The following ANKRD30BL variants were observed in gnomAD, a reference collection of about 807,000 sequenced individuals.
The protein encoded by ANKRD30BL is ankyrin repeat domain 30B like, also known as putative ankyrin repeat domain-containing protein 30B-like.
A neutral mutation model predicts 18.4 loss-of-function variants in ANKRD30BL; 20 were observed. The ratio of observed to expected loss-of-function variants is 1.09; its 90% CI spans 0.77 to 1.58. The LOEUF (loss-of-function observed/expected upper bound fraction) is 1.58, where lower values mean the gene tolerates loss of function less well. Ranked by LOEUF, ANKRD30BL falls within the 40% of genes most tolerant of loss-of-function variation. The pLI, the probability that ANKRD30BL is intolerant of heterozygous loss-of-function variation, is 0.00. For missense variants in ANKRD30BL, 224 were observed against 268.6 expected (o/e 0.83, Z 1.16); for synonymous variants, 72 against 100.9 (o/e 0.71, Z 1.72).
intron 1 of ANKRD30BL, among the ~76,000 whole-genome samples, chr2:132,226,094 A>T (rs1361193409): frequency 6.6e-6 from 1 of 152,128 alleles, no homozygotes; most frequent in Non-Finnish European, 1.5e-5. Flanking sequence ...ATACTTTATC[A>T]TAGAGCAGTT....
intron 1 of ANKRD30BL, among the ~76,000 whole-genome samples, chr2:132,226,498 G>A (rs1212160719): frequency 4.6e-5 from 7 of 151,638 alleles, no homozygotes; most frequent in African/African-American, 1.5e-4. Flanking sequence ...AGCACTTTGC[G>A]ACCTATGTTA....
chr2:132,247,480 A>C (rs1573892394), intron 1 of ANKRD30BL, among the ~76,000 whole-genome samples: 3 of 151,936 alleles, frequency 2.0e-5, no homozygotes, highest in Admixed American at 2.0e-4. Context: ...GGTTCTACAA[A>C]AGGATTGTTT....
chr2:132,158,936 G>A (rs1687984100), intron 1 of ANKRD30BL, among the ~76,000 whole-genome samples: 1 of 151,904 alleles, frequency 6.6e-6, no homozygotes, highest in African/African-American at 2.4e-5. Context: ...CGGAAAGTGA[G>A]AAATTATTTT....
chr2:132,211,752 C>G (rs1230702351), intron 1 of ANKRD30BL, among the ~76,000 whole-genome samples: 604 of 144,474 alleles, frequency 4.2e-3, no homozygotes, highest in African/African-American at 0.014. Flanking sequence ...ATAAAAACTA[C>G]ACAGAAGCAT....
chr2:132,151,635 T>A (rs1162501852), intron 4 of ANKRD30BL, among the ~76,000 whole-genome samples: 1 of 149,596 alleles, frequency 6.7e-6, no homozygotes, highest in East Asian at 1.9e-4. Context: ...ACAAAAAAAA[T>A]GTTTTTCTTC....
At chr2:132,216,585 C>G (rs112007472) in intron 1 of ANKRD30BL, among the ~76,000 whole-genome samples, 2 of 152,124 alleles carry the variant, frequency 1.3e-5, no homozygotes, top group South Asian at 4.1e-4. Flanking sequence ...GTGCAGTCAT[C>G]TCACAGAGTT....
chr2:132,204,723 A>G (rs2104750829), intron 1 of ANKRD30BL, among the ~76,000 whole-genome samples: 1 of 152,288 alleles, frequency 6.6e-6, no homozygotes, highest in African/African-American at 2.4e-5. Context: ...GGAAGAGTCA[A>G]GGTATATATA....
intron 1 of ANKRD30BL, among the ~76,000 whole-genome samples, chr2:132,240,750 A>G (rs973432812): frequency 2.0e-5 from 3 of 151,814 alleles, no homozygotes; most frequent in Non-Finnish European, 2.9e-5. Flanking sequence ...CCTTTCAGTT[A>G]GCAGATTTGA....
At chr2:132,231,577 C>G (rs559096769) in intron 1 of ANKRD30BL, among the ~76,000 whole-genome samples, 2 of 152,174 alleles carry the variant, frequency 1.3e-5, no homozygotes, top group East Asian at 1.9e-4. Flanking sequence ...AAAGGGGTGA[C>G]AGATGCACCT....
At chr2:132,211,725 A>G (rs1412731926) in intron 1 of ANKRD30BL, among the ~76,000 whole-genome samples, 17 of 151,992 alleles carry the variant, frequency 1.1e-4, no homozygotes, top group Non-Finnish European at 2.5e-4. Flanking sequence ...CTATGGTGGA[A>G]AAGGAAATAT....
chr2:132,148,322 C>T (rs1250710067), intron 5 of ANKRD30BL, 94 bp from the exon 6 acceptor site: 14 of 568,990 alleles, frequency 2.5e-5, no homozygotes, highest in Non-Finnish European at 4.1e-5. Flanking sequence ...AGCTTGCTTT[C>T]CTTAAATACT....
intron 1 of ANKRD30BL, among the ~76,000 whole-genome samples, chr2:132,168,181 T>C (rs772336782): frequency 3.3e-4 from 51 of 152,308 alleles, no homozygotes; most frequent in Admixed American, 7.8e-4. Flanking sequence ...TTTCAATATA[T>C]AGAATTGCTT....
At chr2:132,168,900 GAAA>G (rs34392915) in intron 1 of ANKRD30BL, among the ~76,000 whole-genome samples, 1 of 144,248 alleles carries the variant, frequency 6.9e-6, no homozygotes, top group Non-Finnish European at 1.5e-5. Flanking sequence ...AGAAAAATAA[GAAA>G]AAAAAACATT....
chr2:132,202,403 T>C (rs1182038951), intron 1 of ANKRD30BL, among the ~76,000 whole-genome samples: 1 of 143,610 alleles, frequency 7.0e-6, no homozygotes, highest in Non-Finnish European at 1.5e-5. Flanking sequence ...AATAAAAATT[T>C]GTGACTCATA....
At chr2:132,183,196 A>T (rs1688505228) in intron 1 of ANKRD30BL, among the ~76,000 whole-genome samples, 1 of 151,400 alleles carries the variant, frequency 6.6e-6, no homozygotes, top group Non-Finnish European at 1.5e-5. Context: ...AGTGGCACAA[A>T]TCTCGGCTCG....
At chr2:132,255,630 C>A (rs2104815295) in intron 1 of ANKRD30BL, among the ~76,000 whole-genome samples, 1 of 152,268 alleles carries the variant, frequency 6.6e-6, no homozygotes, top group African/African-American at 2.4e-5. Flanking sequence ...TTAAAGTGCA[C>A]TCATTCCAAT....
At chr2:132,205,598 T>A in intron 1 of ANKRD30BL, among the ~76,000 whole-genome samples, 1 of 115,670 alleles carries the variant, frequency 8.6e-6, no homozygotes, top group Non-Finnish European at 1.7e-5. Flanking sequence ...GGAAACTTCG[T>A]CTCAAAAAAA....
rs576304870 is a variant in ANKRD30BL, at chr2:132,200,700, G to A, written n.442-43554C>T. On this transcript the variant is annotated intron_variant and non_coding_transcript_variant, in intron 1 of 4. Coordinates refer to the ANKRD30BL transcript ENST00000470729. ...CTCATGGGTAGGAAGAATCAATATC[G>A]TGAAAATGGCCATACTGCCCAAGGT... Among the ~76,000 whole-genome samples, 373 of 152,168 alleles carry A rather than the reference G, an allele frequency of 2.5e-3. 2 individuals are homozygous for A. The highest frequency in any genetic ancestry group is 8.5e-3 in the African/African-American group (353 of 41,522).
intron 1 of ANKRD30BL, among the ~76,000 whole-genome samples, chr2:132,185,039 C>T (rs1688539702): frequency 6.6e-6 from 1 of 152,108 alleles, no homozygotes; most frequent in Non-Finnish European, 1.5e-5. Flanking sequence ...GACTCGATCT[C>T]CTGACCTCGT....
Sources: gnomAD v4.1 joint callset for allele counts (sites outside exome capture counted in the v4.1 genomes callset) on GRCh38, gnomAD v4.1.1 for gene constraint, MANE v1.5 for transcripts, NCBI Gene and HGNC (gene_info 2026-07-23, HGNC 2026-07-21) for gene names.